Variants in RUNX2 observed in about 807,000 individuals in gnomAD.
RUNX2 encodes RUNX family transcription factor 2, also known as runt-related transcription factor 2.
Under a neutral mutation model 51.7 loss-of-function variants are expected in RUNX2, and 10 were observed. The ratio of observed to expected loss-of-function variants is 0.19; its 90% CI spans 0.12 to 0.33. The LOEUF (loss-of-function observed/expected upper bound fraction) is 0.33, where lower values mean the gene tolerates loss of function less well. Among genes scored for constraint, RUNX2 ranks in the 10% least tolerant of loss-of-function variants. The pLI, the probability that RUNX2 is intolerant of heterozygous loss-of-function variation, is 1.00. For synonymous variants in RUNX2, 276 were observed against 273.6 expected, an observed-to-expected ratio of 1.01 and a Z score of -0.09; for missense variants, 562 against 691.3, an observed-to-expected ratio of 0.81 and a Z score of 2.10.
intron 2 of RUNX2, among the ~76,000 whole-genome samples, chr6:45,336,348 T>C (rs1003225783): frequency 6.6e-6 from 1 of 151,426 alleles, no homozygotes; most frequent in Admixed American, 6.6e-5. Context: ...CAGAATATTT[T>C]TGTACACCAA....
At chr6:45,500,830 T>C (rs1396912707) in intron 6 of RUNX2, among the ~76,000 whole-genome samples, 1 of 152,136 alleles carries the variant, frequency 6.6e-6, no homozygotes, top group Non-Finnish European at 1.5e-5. Flanking sequence ...CTGCTAGGAC[T>C]AGGTAGGATT....
chr6:45,366,035 G>T (rs1795078488), intron 2 of RUNX2, among the ~76,000 whole-genome samples: 1 of 151,966 alleles, frequency 6.6e-6, no homozygotes, highest in South Asian at 2.1e-4. Context: ...GCAAGATTTA[G>T]TCAAAGTAAC....
At chr6:45,544,432 TAA>T (rs1326092993) in intron 7 of RUNX2, among the ~76,000 whole-genome samples, 1 of 152,064 alleles carries the variant, frequency 6.6e-6, no homozygotes. Flanking sequence ...GGGCCCCACA[TAA>T]AGAGTTTTAA....
chr6:45,385,472 C>G (rs1349006529), intron 2 of RUNX2, among the ~76,000 whole-genome samples: 1 of 152,184 alleles, frequency 6.6e-6, no homozygotes, highest in Non-Finnish European at 1.5e-5. Context: ...TATCCCTGTT[C>G]CTAGGTTTCA....
chr6:45,330,661 A>G (rs1440222892), intron 2 of RUNX2, among the ~76,000 whole-genome samples: 1 of 151,964 alleles, frequency 6.6e-6, no homozygotes, highest in Non-Finnish European at 1.5e-5. Context: ...AACATTCTTA[A>G]TAACTATTCA....
At chr6:45,414,329 T>C (rs983117670) in intron 2 of RUNX2, among the ~76,000 whole-genome samples, 1 of 152,328 alleles carries the variant, frequency 6.6e-6, no homozygotes, top group Middle Eastern at 3.4e-3. Flanking sequence ...TTCTCCACTA[T>C]ATTACAATAT....
chr6:45,364,480 A>G (rs1794795198), intron 2 of RUNX2, among the ~76,000 whole-genome samples: 1 of 152,212 alleles, frequency 6.6e-6, no homozygotes, highest in Non-Finnish European at 1.5e-5. Context: ...GAAGAGCACT[A>G]TAATATCTTG....
intron 2 of RUNX2, among the ~76,000 whole-genome samples, chr6:45,364,001 G>A (rs1794708871): frequency 6.6e-6 from 1 of 151,844 alleles, no homozygotes; most frequent in African/African-American, 2.4e-5. Context: ...TGTAATCTCA[G>A]CTACTTGGGA....
In RUNX2 at chr6:45,492,543, G is replaced by T. The variant is rs182078693; in HGVS notation, c.859+429G>T. Among the ~76,000 whole-genome samples the T allele has an allele frequency of 2.2e-4, 33 of 152,218 alleles. No individual in the cohort carries two copies. The East Asian group carries it at 3.9e-3, about 18-fold the overall frequency. On this transcript the variant is annotated intron_variant, in intron 6 of 8. Transcript: ENST00000647337. Reference sequence around the variant, plus strand: ...ATTAAGTCTGCTTGAAAATTGCCCAGGGCGAACAGGAAGCCTTGATTGGTA... The same window carrying T: ...ATTAAGTCTGCTTGAAAATTGCCCATGGCGAACAGGAAGCCTTGATTGGTA...
chr6:45,527,550 A>G (rs1801707981), intron 7 of RUNX2, among the ~76,000 whole-genome samples: 1 of 152,252 alleles, frequency 6.6e-6, no homozygotes, highest in Non-Finnish European at 1.5e-5. Flanking sequence ...GTTTTCTCCC[A>G]ATTGTTAGTT....
intron 2 of RUNX2, among the ~76,000 whole-genome samples, chr6:45,348,934 TTTATAA>T (rs1363761769): frequency 6.6e-6 from 1 of 152,130 alleles, no homozygotes; most frequent in Non-Finnish European, 1.5e-5. Context: ...CTTATCACAA[TTTATAA>T]TTATTTATTT....
intron 2 of RUNX2, among the ~76,000 whole-genome samples, chr6:45,357,076 G>T (rs1364611706): frequency 6.6e-6 from 1 of 151,926 alleles, no homozygotes; most frequent in Non-Finnish European, 1.5e-5. Context: ...GCACGATCTC[G>T]GCTCACTGCA....
intron 7 of RUNX2, among the ~76,000 whole-genome samples, chr6:45,525,019 G>A (rs1801629008): frequency 6.6e-6 from 1 of 152,210 alleles, no homozygotes; most frequent in African/African-American, 2.4e-5. Context: ...GCTGAGGCAG[G>A]AGAATTGCTT....
chr6:45,538,052 A>T (rs189384306), intron 7 of RUNX2, among the ~76,000 whole-genome samples: 123 of 151,958 alleles, frequency 8.1e-4, no homozygotes, highest in African/African-American at 2.9e-3. Flanking sequence ...CCCTTTAAAA[A>T]CCCTTCTCCA....
chr6:45,442,293 T>C (rs1798864027), intron 5 of RUNX2, among the ~76,000 whole-genome samples: 1 of 152,216 alleles, frequency 6.6e-6, no homozygotes, highest in Non-Finnish European at 1.5e-5. Context: ...AGTCTTGTGT[T>C]TAGGCAAGGC....
At chr6:45,466,323 A>AT (rs1271748124) in intron 5 of RUNX2, among the ~76,000 whole-genome samples, 17 of 152,288 alleles carry the variant, frequency 1.1e-4, no homozygotes, top group Non-Finnish European at 2.1e-4. Flanking sequence ...TAAAAAAAAA[A>AT]AGAAAACTAA....
At chr6:45,532,775 T>C (rs1801903006) in intron 7 of RUNX2, among the ~76,000 whole-genome samples, 1 of 152,166 alleles carries the variant, frequency 6.6e-6, no homozygotes, top group African/African-American at 2.4e-5. Flanking sequence ...GTGGACATGA[T>C]TCTCAGGCTG....
chr6:45,500,580 CAGAT>C, intron 6 of RUNX2, among the ~76,000 whole-genome samples: 1 of 152,256 alleles, frequency 6.6e-6, no homozygotes, highest in East Asian at 1.9e-4. Context: ...TGAAACCTGA[CAGAT>C]AGTTTTAGGT....
chr6:45,341,412 A>T (rs892865973), intron 2 of RUNX2, among the ~76,000 whole-genome samples: 4 of 152,192 alleles, frequency 2.6e-5, no homozygotes, highest in African/African-American at 9.6e-5. Flanking sequence ...ACCTATATTT[A>T]ACTTGATAGG....
Sources: gnomAD v4.1 joint callset for allele counts (sites outside exome capture counted in the v4.1 genomes callset) on GRCh38, gnomAD v4.1.1 for gene constraint, MANE v1.5 for transcripts, NCBI Gene and HGNC (gene_info 2026-07-23, HGNC 2026-07-21) for gene names.